ABHD2: variants seen among roughly 807,000 people sequenced by gnomAD.
The protein encoded by ABHD2 is monoacylglycerol lipase ABHD2.
ABHD2 carries 20 observed loss-of-function variants against 48.1 expected under a neutral mutation model. That is an observed-to-expected ratio of 0.42 (90% CI 0.29 to 0.60). ABHD2 has a LOEUF of 0.60. ABHD2 is among the 20% of genes least tolerant of loss of function. ABHD2 has a pLI of 0.24. For synonymous variants in ABHD2, 209 were observed against 214.2 expected, an observed-to-expected ratio of 0.98 and a Z score of 0.21; for missense variants, 405 against 550.9, an observed-to-expected ratio of 0.74 and a Z score of 2.65.
At position 89,173,058 on chromosome 15, in the gene ABHD2, C is replaced by T. The variant is rs555730556; in HGVS notation, c.539-2754C>T. 6.6e-6 allele frequency among the ~76,000 whole-genome samples: 1 copy of T among 152,202 alleles called. No individual in the cohort carries two copies. Among genetic ancestry groups the T allele is most frequent in the Non-Finnish European group, 1.5e-5 (1 of 68,036 alleles). ...ATGAGGCCAGGCTGCTCCTTTAAGGCCTGGTTTTCAGTGCCTGTTATGGCC... is the reference window on the plus strand; with the variant it reads ...ATGAGGCCAGGCTGCTCCTTTAAGGTCTGGTTTTCAGTGCCTGTTATGGCC... On this transcript the variant is annotated intron_variant, in intron 5 of 10. Coordinates refer to ENST00000352732, the MANE Select transcript of ABHD2 (RefSeq NM_152924.5). The surrounding 1 kb of genome is among the most constrained non-coding windows in gnomAD (Gnocchi z 6.5).
intron 1 of ABHD2, among the ~76,000 whole-genome samples, chr15:89,089,445 C>T (rs1373169056): frequency 6.6e-6 from 1 of 152,216 alleles, no homozygotes; most frequent in South Asian, 2.1e-4. Flanking sequence ...CTGGATTATA[C>T]AAAAAGATAG....
chr15:89,108,163 A>T (rs1009733205), intron 1 of ABHD2, among the ~76,000 whole-genome samples: 1 of 152,216 alleles, frequency 6.6e-6, no homozygotes, highest in South Asian at 2.1e-4. Flanking sequence ...CTCCTGAGTC[A>T]TGAGAGGTAA....
intron 5 of ABHD2, among the ~76,000 whole-genome samples, chr15:89,157,725 C>T (rs535858174): frequency 1.3e-5 from 2 of 152,094 alleles, no homozygotes; most frequent in South Asian, 4.2e-4. Flanking sequence ...CACCTGTAGT[C>T]CCAGCTACTC....
the ABHD2 span, among the ~76,000 whole-genome samples, chr15:89,059,527 A>G: frequency 6.6e-6 from 1 of 152,172 alleles, no homozygotes; most frequent in Non-Finnish European, 1.5e-5. Flanking sequence ...TGTTGGGCAG[A>G]CAGTGGTATG....
At chr15:89,066,133 T>A in the ABHD2 span, among the ~76,000 whole-genome samples, 1 of 152,128 alleles carries the variant, frequency 6.6e-6, no homozygotes, top group Admixed American at 6.5e-5. Context: ...TATTTAGGAT[T>A]TTTTCCCTGA....
chr15:89,127,743 ATATT>A (rs2150837712), intron 3 of ABHD2, among the ~76,000 whole-genome samples: 1 of 146,248 alleles, frequency 6.8e-6, no homozygotes, highest in East Asian at 2.0e-4. Flanking sequence ...ATATATATGT[ATATT>A]TTAAAAATTA....
chr15:89,071,495 G>A, the ABHD2 span, among the ~76,000 whole-genome samples: 2 of 152,168 alleles, frequency 1.3e-5, no homozygotes, highest in Non-Finnish European at 2.9e-5. Context: ...TGGCAGACTG[G>A]ACAGGAAAAA....
rs1333038299 is a variant in ABHD2, at chr15:89,168,426, G to T, written c.539-7386G>T. 6.6e-6 allele frequency among the ~76,000 whole-genome samples: 1 copy of T among 152,198 alleles called. No homozygotes were observed. Among genetic ancestry groups the T allele is most frequent in the African/African-American group, 2.4e-5 (1 of 41,454 alleles). ...ATAACAGGCCAGGGAGAGGCCCCAG[G>T]CACTAAAGGTGTTTGGTAACTGACA... On this transcript the variant is annotated intron_variant, in intron 5 of 10. Transcript: ENST00000352732. This position sits in a 1 kb window ranked among gnomAD's most constrained non-coding sequence, Gnocchi z 4.8.
the ABHD2 span, among the ~76,000 whole-genome samples, chr15:89,074,300 C>T: frequency 4.0e-5 from 6 of 151,754 alleles, no homozygotes; most frequent in Non-Finnish European, 8.8e-5. Flanking sequence ...GGCTTGAACC[C>T]GGGCGGTGGA....
rs1038439054 is a variant in ABHD2 at position 89,146,402 on chromosome 15, G to A, written c.195-5275G>A. 5.6e-5 allele frequency among the ~76,000 whole-genome samples: 8 copies of A among 142,564 alleles called. No homozygotes were observed. The highest frequency in any genetic ancestry group is 9.2e-5 in the Non-Finnish European group (6 of 65,218). The allele number at this position is 142,564 out of a possible 152,430, so 93.5% of individuals were successfully genotyped here. ...TGTGTGTGTGTGTGTGTGTGTGTAC[G>A]TATGTATATGGGGGGTGGGAGGGAG... On this transcript the variant is annotated intron_variant, in intron 3 of 10. Transcript: ENST00000352732. The surrounding 1 kb of genome is among the most constrained non-coding windows in gnomAD (Gnocchi z 4.2).
chr15:89,103,500 G>A (rs187506303), intron 1 of ABHD2, among the ~76,000 whole-genome samples: 83 of 152,260 alleles, frequency 5.5e-4, no homozygotes, highest in African/African-American at 1.7e-3. Context: ...ATCAAACGCA[G>A]GTCTCCTGGT....
intron 9 of ABHD2, among the ~76,000 whole-genome samples, 175 bp from the exon 10 acceptor site, chr15:89,193,060 C>G (rs1175918854): frequency 6.6e-6 from 1 of 152,208 alleles, no homozygotes; most frequent in East Asian, 1.9e-4. Context: ...GCAGATGTAA[C>G]TCATCACACT....
chr15:89,073,601 T>C, the ABHD2 span, among the ~76,000 whole-genome samples: 1 of 152,048 alleles, frequency 6.6e-6, no homozygotes, highest in East Asian at 1.9e-4. Flanking sequence ...TTTTAAAAAG[T>C]GTGTTAATTC....
the ABHD2 span, among the ~76,000 whole-genome samples, chr15:89,077,389 G>T: frequency 9.9e-5 from 15 of 152,142 alleles, no homozygotes; most frequent in African/African-American, 3.6e-4. Context: ...TTCTAGTGTT[G>T]ATGGACATTT....
Position 89,116,040 on chromosome 15 carries a change from A to G in ABHD2, c.-6-282A>G, listed in dbSNP as rs1034681587. ...AGGACACTATTCTTAGCATTTTTCA[A>G]TTTTCTGATTTGCTCATCTTAGAAA... On this transcript the variant is annotated intron_variant, in intron 2 of 10. Coordinates refer to ENST00000352732, the MANE Select transcript of ABHD2 (RefSeq NM_152924.5). The surrounding 1 kb of genome is among the most constrained non-coding windows in gnomAD (Gnocchi z 4.6). 6.6e-6 allele frequency among the ~76,000 whole-genome samples: 1 copy of G among 152,180 alleles called. No homozygotes were observed. Among genetic ancestry groups the G allele is most frequent in the Admixed American group, 6.5e-5 (1 of 15,284 alleles).
chr15:89,078,721 T>C, the ABHD2 span, among the ~76,000 whole-genome samples: 2 of 132,786 alleles, frequency 1.5e-5, no homozygotes, highest in Non-Finnish European at 3.2e-5. Flanking sequence ...CCTGACAATG[T>C]AGGCTTTTTT....
At chr15:89,160,053 G>T (rs188654743) in intron 5 of ABHD2, among the ~76,000 whole-genome samples, 1 of 152,152 alleles carries the variant, frequency 6.6e-6, no homozygotes, top group Non-Finnish European at 1.5e-5. Context: ...AACATCTTTC[G>T]TAGCTTCAAA....
At chr15:89,093,329 C>T (rs1024308329) in intron 1 of ABHD2, among the ~76,000 whole-genome samples, 2 of 151,924 alleles carry the variant, frequency 1.3e-5, no homozygotes, top group African/African-American at 2.4e-5. Context: ...TACAGGCACA[C>T]GCCACCACCC....
the ABHD2 span, among the ~76,000 whole-genome samples, chr15:89,051,754 A>G: frequency 2.0e-5 from 3 of 152,192 alleles, no homozygotes; most frequent in Non-Finnish European, 2.9e-5. Context: ...CTCTTCCGCC[A>G]TGATTGTGAG....
Sources: allele counts gnomAD v4.1 joint callset (sites outside exome capture counted in the v4.1 genomes callset), GRCh38; gene constraint gnomAD v4.1.1; non-coding constraint Gnocchi (gnomAD v3.1); transcripts MANE v1.5; gene names NCBI Gene and HGNC (gene_info 2026-07-23, HGNC 2026-07-21).